HS2ST1: variants seen among roughly 807,000 people sequenced by gnomAD.
The protein encoded by HS2ST1 is 2-O-sulfotransferase.
HS2ST1 carries 18 observed loss-of-function variants against 42.9 expected under a neutral mutation model. That is an observed-to-expected ratio of 0.42 (90% CI 0.29 to 0.62). The LOEUF (loss-of-function observed/expected upper bound fraction) is 0.62, where lower values mean the gene tolerates loss of function less well. HS2ST1 is among the 20% of genes least tolerant of loss of function. The probability of loss-of-function intolerance (pLI) is 0.21; values close to 1 mark genes in which losing one functional copy is unlikely to be tolerated. For synonymous variants in HS2ST1, 146 were observed against 152.9 expected, an observed-to-expected ratio of 0.95 and a Z score of 0.33; for missense variants, 334 against 433.8, an observed-to-expected ratio of 0.77 and a Z score of 2.04.
intron 1 of HS2ST1, among the ~76,000 whole-genome samples, chr1:87,004,412 A>G (rs1338852923): frequency 2.6e-5 from 4 of 152,234 alleles, no homozygotes; most frequent in Admixed American, 1.3e-4. Context: ...ACAAATATAT[A>G]TATAAGCCTG....
At chr1:87,071,731 A>G (rs1320487592) in intron 1 of HS2ST1, among the ~76,000 whole-genome samples, 2 of 123,482 alleles carry the variant, frequency 1.6e-5, no homozygotes, top group African/African-American at 9.4e-5. Context: ...CTGTCTCCGA[A>G]AAAAAAAAAA....
intron 6 of HS2ST1, among the ~76,000 whole-genome samples, chr1:87,104,248 C>T (rs1190721318): frequency 6.6e-6 from 1 of 152,090 alleles, no homozygotes; most frequent in African/African-American, 2.4e-5. Flanking sequence ...GACTATTTGA[C>T]ATTTCATTAA....
Position 87,107,484 on chromosome 1 carries a change from C to T in HS2ST1, c.*2788C>T, listed in dbSNP as rs978771959. 6.6e-6 allele frequency: 1 copy of T among 151,718 alleles called. No individual in the cohort carries two copies. The highest frequency in any genetic ancestry group is 6.6e-5 in the Admixed American group (1 of 15,218). 9.4% of individuals were successfully genotyped at this position (151,718 alleles called of 1,614,324 possible). A position where few individuals can be genotyped will look rare whatever the true frequency, so the allele number is the denominator to read the frequency against. ...AATTAAATAAATAGAACCACTGAGACAATAATGTATTTTTTTAAAGTGGCA... is the reference window on the plus strand; with the variant it reads ...AATTAAATAAATAGAACCACTGAGATAATAATGTATTTTTTTAAAGTGGCA... On this transcript the variant is annotated 3_prime_UTR_variant, in exon 7 of 7. Transcript: ENST00000370550.
At chr1:87,055,548 G>A (rs919862957) in intron 1 of HS2ST1, among the ~76,000 whole-genome samples, 11 of 152,170 alleles carry the variant, frequency 7.2e-5, no homozygotes, top group Non-Finnish European at 1.5e-4. Context: ...ATCTTGCATT[G>A]TAGAAGTCCC....
At chr1:87,056,110 G>A (rs1284971623) in intron 1 of HS2ST1, among the ~76,000 whole-genome samples, 1 of 152,112 alleles carries the variant, frequency 6.6e-6, no homozygotes, top group Non-Finnish European at 1.5e-5. Flanking sequence ...TGGATCATGA[G>A]GAATCTGCTC....
intron 1 of HS2ST1, among the ~76,000 whole-genome samples, chr1:87,068,348 A>C (rs1184689833): frequency 6.6e-6 from 1 of 152,186 alleles, no homozygotes; most frequent in Non-Finnish European, 1.5e-5. Context: ...GAGTTCACTC[A>C]TGATTTGGCT....
At chr1:86,955,539 CTCAGGTCATGAAGCTGAGGT>C (rs1647653433) in intron 1 of HS2ST1, among the ~76,000 whole-genome samples, 1 of 152,010 alleles carries the variant, frequency 6.6e-6, no homozygotes, top group Non-Finnish European at 1.5e-5. Flanking sequence ...CAAGTGAAAT[CTCAGGTCATGAAGCTGAGGT>C]GCAATTTTTA....
At chr1:87,024,504 G>GA (rs375286763) in intron 1 of HS2ST1, among the ~76,000 whole-genome samples, 21,979 of 107,112 alleles carry the variant, frequency 0.21, 1,884 homozygotes, top group African/African-American at 0.3. Flanking sequence ...CCGTCTCAAA[G>GA]AAAAAAAAAA....
intron 1 of HS2ST1, chr1:86,956,469 G>A (rs1371461121): frequency 1.3e-5 from 2 of 152,296 alleles, no homozygotes; most frequent in East Asian, 3.9e-4. Context: ...TAAAACAAAT[G>A]TTTCCACTTG....
At position 86,998,205 on chromosome 1, in the gene HS2ST1, AAT is replaced by A. The variant is rs374040700; in HGVS notation, c.125-74728_125-74727del. On this transcript the variant is annotated intron_variant, in intron 1 of 6. Transcript: ENST00000370550. Reference sequence around the variant, plus strand: ...TGTTCTTATATATAAACAGCTTTTAAATGCTTAGGAAAATTTGATGTAAGTAC... The same window carrying A: ...TGTTCTTATATATAAACAGCTTTTAAGCTTAGGAAAATTTGATGTAAGTAC... Among the ~76,000 whole-genome samples the A allele has an allele frequency of 1.4e-4, 22 of 152,310 alleles. No homozygotes were observed. In the East Asian group the frequency reaches 3.1e-3, roughly 21 times the overall value.
intron 1 of HS2ST1, among the ~76,000 whole-genome samples, chr1:87,057,293 A>G (rs1342838576): frequency 1.3e-5 from 2 of 152,198 alleles, no homozygotes; most frequent in African/African-American, 4.8e-5. Flanking sequence ...ACAATCTTTA[A>G]GTGTATAAAA....
At chr1:86,958,226 A>G (rs982321513) in intron 1 of HS2ST1, among the ~76,000 whole-genome samples, 25 of 152,236 alleles carry the variant, frequency 1.6e-4, no homozygotes, top group South Asian at 4.1e-4. Context: ...CTGATAGCCT[A>G]CTGTTGACTG....
chr1:87,082,580 C>T (rs1651722175), intron 2 of HS2ST1, among the ~76,000 whole-genome samples: 1 of 152,128 alleles, frequency 6.6e-6, no homozygotes, highest in South Asian at 2.1e-4. Flanking sequence ...TTTTTCCTCT[C>T]ATTTTTGGCT....
At chr1:86,960,197 A>G (rs1170149712) in intron 1 of HS2ST1, among the ~76,000 whole-genome samples, 1 of 150,702 alleles carries the variant, frequency 6.6e-6, no homozygotes, top group Non-Finnish European at 1.5e-5. Flanking sequence ...GCACTGGAAT[A>G]ACAGGATATC....
intron 1 of HS2ST1, among the ~76,000 whole-genome samples, chr1:87,038,361 A>T (rs960633185): frequency 1.3e-5 from 2 of 152,172 alleles, no homozygotes; most frequent in African/African-American, 4.8e-5. Flanking sequence ...TGGGGATGCC[A>T]TCCTAGAAAC....
chr1:86,954,594 A>C (rs969914582), intron 1 of HS2ST1, among the ~76,000 whole-genome samples: 1 of 152,214 alleles, frequency 6.6e-6, no homozygotes, highest in Non-Finnish European at 1.5e-5. Flanking sequence ...TATTTGAACC[A>C]TTAATGCCTT....
intron 1 of HS2ST1, among the ~76,000 whole-genome samples, chr1:87,058,245 AC>A (rs1357711938): frequency 6.6e-6 from 1 of 151,286 alleles, no homozygotes; most frequent in Admixed American, 6.6e-5. Flanking sequence ...CTAATAACTT[AC>A]CACCCCCTAA....
At chr1:86,944,553 C>T (rs918052449) in intron 1 of HS2ST1, among the ~76,000 whole-genome samples, 3 of 151,998 alleles carry the variant, frequency 2.0e-5, no homozygotes, top group East Asian at 1.9e-4. Context: ...TGGGGTTTCA[C>T]CATGTTGACC....
At chr1:87,084,302 G>A (rs547934404) in intron 3 of HS2ST1, 23 bp downstream of exon 3, 20 of 1,283,318 alleles carry the variant, frequency 1.6e-5, no homozygotes, top group East Asian at 4.6e-5. Flanking sequence ...GAAATGACAC[G>A]CTAAAGAATG....
Sources: gnomAD v4.1 joint callset for allele counts (sites outside exome capture counted in the v4.1 genomes callset) on GRCh38, gnomAD v4.1.1 for gene constraint, MANE v1.5 for transcripts, NCBI Gene and HGNC (gene_info 2026-07-23, HGNC 2026-07-21) for gene names.